CNTNAP4: variants seen among roughly 807,000 people sequenced by gnomAD.
CNTNAP4 encodes the protein contactin-associated protein-like 4.
Under a neutral mutation model 148.4 loss-of-function variants are expected in CNTNAP4, and 98 were observed. The observed-to-expected ratio is 0.66, with a 90% CI of 0.56 to 0.78. The LOEUF is 0.78. CNTNAP4 is among the 30% of genes least tolerant of loss of function. The pLI, the probability that CNTNAP4 is intolerant of heterozygous loss-of-function variation, is 0.00. For synonymous variants in CNTNAP4, 730 were observed against 565.1 expected (o/e 1.29, Z -4.14); for missense variants, 1,935 against 1,565.6 (o/e 1.24, Z -3.98).
chr16:76,443,598 T>A (rs1285471918), intron 4 of CNTNAP4, among the ~76,000 whole-genome samples: 1 of 147,590 alleles, frequency 6.8e-6, no homozygotes, highest in African/African-American at 2.7e-5. Context: ...CCAAAAAAAA[T>A]ATTTTCCCAA....
chr16:76,314,834 C>T (rs1224147187), intron 1 of CNTNAP4, among the ~76,000 whole-genome samples: 1 of 152,160 alleles, frequency 6.6e-6, no homozygotes, highest in Non-Finnish European at 1.5e-5. Context: ...CACATTAAAA[C>T]TGTATACATG....
In CNTNAP4 at chr16:76,449,855, T is replaced by C; in HGVS notation, c.1068T>C (p.Ala356=). Residue 356 remains alanine (A), a synonymous_variant, in exon 7 of 24, where the codon GCT becomes GCC. Transcript: ENST00000611870. ...LAKQQKPQII[A]MGNVSFSCSQ... ...AGCAGCAAAAACCACAGATCATTGC[T>C]ATGGTGAGAGTCTTTATGCGAAGAC... 6.2e-7 allele frequency: 1 copy of C among 1,605,870 alleles called. No homozygotes were observed. The highest frequency in any genetic ancestry group is 8.5e-7 in the Non-Finnish European group (1 of 1,176,838).
rs9673721 is a variant in CNTNAP4, at chr16:76,300,971, T to C, written c.86-15442T>C. On this transcript the variant is annotated intron_variant, in intron 1 of 23. Transcript: ENST00000611870. ...TATTATTATACTTTAAGTTTTAGGG[T>C]ACTTTTATAAAAGAGTGCCTAGGTG... Among the ~76,000 whole-genome samples, 924 of 152,102 alleles carry C rather than the reference T, an allele frequency of 6.1e-3. 10 individuals carry two copies. Among genetic ancestry groups the C allele is most frequent in the African/African-American group, 0.021 (858 of 41,528 alleles).
At chr16:76,538,452 G>A (rs953258336) in intron 19 of CNTNAP4, 112 bp downstream of exon 19, 25 of 772,568 alleles carry the variant, frequency 3.2e-5, no homozygotes, top group Non-Finnish European at 5.1e-5. Context: ...AAAATGGAGT[G>A]TGCCTGTTTT....
At chr16:76,460,913 C>G (rs79951449) in intron 8 of CNTNAP4, among the ~76,000 whole-genome samples, 2 of 150,640 alleles carry the variant, frequency 1.3e-5, no homozygotes, top group African/African-American at 2.4e-5. Flanking sequence ...GGGGGAAATA[C>G]AGAGTTAGGT....
intron 3 of CNTNAP4, among the ~76,000 whole-genome samples, chr16:76,403,094 ATTT>A (rs796440968): frequency 7.7e-6 from 1 of 129,866 alleles, no homozygotes. Context: ...GTTGGGTTTT[ATTT>A]TTTTTTTTTT....
intron 8 of CNTNAP4, among the ~76,000 whole-genome samples, chr16:76,461,395 G>C (rs2080954802): frequency 6.6e-6 from 1 of 152,106 alleles, no homozygotes; most frequent in African/African-American, 2.4e-5. Context: ...GTTCTAATAA[G>C]GAGGCAAATT....
chr16:76,485,102 G>A lies in CNTNAP4; in HGVS notation c.1883-4584G>A, dbSNP rs149319404. On this transcript the variant is annotated intron_variant, in intron 12 of 23. Transcript: ENST00000611870. ...GTGAATCCCAGGGGCTGTCCGTATTGCTTTTTCTTTTCTTTTCTTTTTTTC... is the reference window on the plus strand; with the variant it reads ...GTGAATCCCAGGGGCTGTCCGTATTACTTTTTCTTTTCTTTTCTTTTTTTC... 3.6e-3 allele frequency among the ~76,000 whole-genome samples: 555 copies of A among 152,060 alleles called. 4 individuals are homozygous for A. The highest frequency in any genetic ancestry group is 0.013 in the African/African-American group (529 of 41,526).
At chr16:76,310,744 G>C (rs923639840) in intron 1 of CNTNAP4, among the ~76,000 whole-genome samples, 2 of 152,064 alleles carry the variant, frequency 1.3e-5, no homozygotes, top group African/African-American at 4.8e-5. Context: ...AAATAACTGA[G>C]AAGATGACTA....
At chr16:76,414,126 A>C (rs2078896704) in intron 3 of CNTNAP4, among the ~76,000 whole-genome samples, 1 of 151,368 alleles carries the variant, frequency 6.6e-6, no homozygotes, top group Non-Finnish European at 1.5e-5. Flanking sequence ...TACTTGTCAC[A>C]TTCTCAAACA....
chr16:76,363,877 C>G (rs957637530), intron 3 of CNTNAP4, among the ~76,000 whole-genome samples: 6 of 152,018 alleles, frequency 3.9e-5, no homozygotes, highest in African/African-American at 9.7e-5. Context: ...TGTGCACATT[C>G]TATAGCATGT....
At chr16:76,314,665 G>A in intron 1 of CNTNAP4, among the ~76,000 whole-genome samples, 1 of 152,080 alleles carries the variant, frequency 6.6e-6, no homozygotes. Flanking sequence ...TTATCAATCG[G>A]TTCCCTTAAC....
At chr16:76,348,128 C>T (rs957806862) in intron 2 of CNTNAP4, among the ~76,000 whole-genome samples, 1 of 151,060 alleles carries the variant, frequency 6.6e-6, no homozygotes, top group African/African-American at 2.4e-5. Context: ...GCAGCACCAA[C>T]AGCATCTTCT....
At chr16:76,309,946 T>A (rs1241364296) in intron 1 of CNTNAP4, 1 of 699,760 alleles carries the variant, frequency 1.4e-6, no homozygotes, top group East Asian at 2.7e-5. Context: ...CCGTCTCGGG[T>A]ATGTCTTTAT....
intron 3 of CNTNAP4, among the ~76,000 whole-genome samples, chr16:76,372,054 A>G (rs1395694673): frequency 1.3e-5 from 2 of 151,826 alleles, no homozygotes; most frequent in African/African-American, 4.8e-5. Flanking sequence ...ACTTTAATCA[A>G]CCGAATTTCC....
chr16:76,300,179 C>A (rs535988060), intron 1 of CNTNAP4, among the ~76,000 whole-genome samples: 9 of 151,962 alleles, frequency 5.9e-5, no homozygotes, highest in Non-Finnish European at 2.9e-5. Flanking sequence ...CAACTTTTTG[C>A]AGGTGACATC....
chr16:76,440,609 C>G (rs2079996992), intron 4 of CNTNAP4, among the ~76,000 whole-genome samples: 1 of 152,184 alleles, frequency 6.6e-6, no homozygotes, highest in South Asian at 2.1e-4. Flanking sequence ...CTTGTTCTTC[C>G]TATCAAACAA....
chr16:76,498,976 T>C (rs1157489282), intron 15 of CNTNAP4, among the ~76,000 whole-genome samples: 2 of 152,088 alleles, frequency 1.3e-5, no homozygotes, highest in South Asian at 2.1e-4. Context: ...TAGTGATGGT[T>C]ACACAACAGT....
At chr16:76,474,392 T>C (rs182750508) in intron 10 of CNTNAP4, among the ~76,000 whole-genome samples, 73 of 152,318 alleles carry the variant, frequency 4.8e-4, no homozygotes, top group African/African-American at 1.8e-3. Context: ...CAAGGGCCTG[T>C]AGTCCGCAAG....
Sources: gnomAD v4.1 joint callset for allele counts (sites outside exome capture counted in the v4.1 genomes callset) on GRCh38, gnomAD v4.1.1 for gene constraint, MANE v1.5 for transcripts, NCBI Gene and HGNC (gene_info 2026-07-23, HGNC 2026-07-21) for gene names.